The following GDAP1 variants were observed in gnomAD, a reference collection of about 807,000 sequenced individuals.
GDAP1 encodes ganglioside induced differentiation associated protein 1.
GDAP1 carries 34 observed loss-of-function variants against 40.1 expected under a neutral mutation model. That is an observed-to-expected ratio of 0.85 (90% CI 0.64 to 1.13). The LOEUF is 1.13. Among genes scored for constraint, GDAP1 ranks in the 50% most tolerant of loss-of-function variants. The pLI is 0.00. For missense variants in GDAP1, 374 were observed against 433.7 expected, an observed-to-expected ratio of 0.86 and a Z score of 1.22; for synonymous variants, 170 against 157.4, an observed-to-expected ratio of 1.08 and a Z score of -0.60.
At chr8:74,395,792 A>G (rs1309090314) in intron 2 of GDAP1, among the ~76,000 whole-genome samples, 7 of 152,184 alleles carry the variant, frequency 4.6e-5, no homozygotes, top group African/African-American at 1.7e-4. Flanking sequence ...AGTTTATTAG[A>G]ATCCCACGGC....
intron 2 of GDAP1, among the ~76,000 whole-genome samples, chr8:74,455,583 T>C (rs1334361056): frequency 2.0e-5 from 3 of 151,960 alleles, no homozygotes; most frequent in African/African-American, 7.2e-5. Context: ...ATTAACACAA[T>C]GCATTTGAGT....
At chr8:74,484,122 T>C (rs1389122729) in intron 2 of GDAP1, among the ~76,000 whole-genome samples, 2 of 152,194 alleles carry the variant, frequency 1.3e-5, no homozygotes, top group Non-Finnish European at 2.9e-5. Flanking sequence ...AAAATTATTA[T>C]TTGATCTGGA....
intron 2 of GDAP1, among the ~76,000 whole-genome samples, chr8:74,440,498 A>C (rs1806149347): frequency 6.6e-6 from 1 of 151,810 alleles, no homozygotes; most frequent in Non-Finnish European, 1.5e-5. Flanking sequence ...TCATTTTCTA[A>C]GTGTATGTTT....
chr8:74,367,511 T>C (rs1454612846), downstream of GDAP1, among the ~76,000 whole-genome samples: 2 of 151,620 alleles, frequency 1.3e-5, no homozygotes, highest in African/African-American at 4.8e-5. Flanking sequence ...TCTAACTTCG[T>C]AGTCTGCTCA....
At chr8:74,383,287 T>C (rs1809980826) in intron 2 of GDAP1, among the ~76,000 whole-genome samples, 1 of 152,238 alleles carries the variant, frequency 6.6e-6, no homozygotes, top group African/African-American at 2.4e-5. Context: ...TGCAGGTTTC[T>C]GATGGCTTTC....
chr8:74,355,570 G>C (rs1809056404), intron 2 of GDAP1, among the ~76,000 whole-genome samples: 1 of 152,130 alleles, frequency 6.6e-6, no homozygotes, highest in Admixed American at 6.5e-5. Flanking sequence ...AAGCAAACTA[G>C]GTAAACTGAG....
intron 2 of GDAP1, among the ~76,000 whole-genome samples, chr8:74,431,876 G>A (rs73331345): frequency 0.047 from 7,179 of 152,196 alleles, 553 homozygotes; most frequent in African/African-American, 0.16. Context: ...TAGTAAATAC[G>A]TGATTGTGGG....
At chr8:74,362,784 C>CTTTTTTTTTTTTTTTTTTTTTTTTTGT (rs1284434868) in intron 4 of GDAP1, among the ~76,000 whole-genome samples, 155 bp from the exon 5 acceptor site, 1 of 60,452 alleles carries the variant, frequency 1.7e-5, no homozygotes, top group African/African-American at 6.3e-5. Context: ...CTCTCTCTCT[C>CTTTTTTTTTTTTTTTTTTTTTTTTTGT]TTTTTTTTTT....
intron 2 of GDAP1, among the ~76,000 whole-genome samples, chr8:74,376,989 G>T (rs1209964022): frequency 6.6e-6 from 1 of 152,008 alleles, no homozygotes; most frequent in East Asian, 1.9e-4. Context: ...AATGACACTT[G>T]AATAAGTAGA....
chr8:74,380,627 T>C (rs576562758), intron 2 of GDAP1, among the ~76,000 whole-genome samples: 14 of 152,290 alleles, frequency 9.2e-5, no homozygotes, highest in Admixed American at 7.8e-4. Flanking sequence ...TTTAGAATTC[T>C]TTGAAAAATA....
chr8:74,461,350 CT>C (rs1317618414), intron 2 of GDAP1, among the ~76,000 whole-genome samples: 1 of 152,160 alleles, frequency 6.6e-6, no homozygotes. Flanking sequence ...TTTAATGACC[CT>C]GATTTTTGCC....
chr8:74,355,210 A>G (rs1388712737), intron 2 of GDAP1, among the ~76,000 whole-genome samples: 1 of 152,108 alleles, frequency 6.6e-6, no homozygotes, highest in Admixed American at 6.5e-5. Context: ...GAAGAATGGT[A>G]TAGACATGAA....
intron 2 of GDAP1, among the ~76,000 whole-genome samples, chr8:74,439,715 C>T (rs547157858): frequency 8.5e-4 from 129 of 151,536 alleles, no homozygotes; most frequent in African/African-American, 3.1e-3. Flanking sequence ...AAAAATTCTA[C>T]CCATTATGTT....
intron 2 of GDAP1, among the ~76,000 whole-genome samples, chr8:74,446,766 G>A (rs1030370116): frequency 6.6e-6 from 1 of 152,162 alleles, no homozygotes; most frequent in Non-Finnish European, 1.5e-5. Flanking sequence ...ACAACAAGAT[G>A]AAATTTGAGG....
At chr8:74,412,599 T>C (rs1285410252) in intron 2 of GDAP1, among the ~76,000 whole-genome samples, 1 of 150,088 alleles carries the variant, frequency 6.7e-6, no homozygotes, top group Admixed American at 6.6e-5. Flanking sequence ...CGCAAAGTAT[T>C]AAGAGAACAT....
intron 2 of GDAP1, among the ~76,000 whole-genome samples, chr8:74,375,891 C>G (rs533510008): frequency 6.6e-6 from 1 of 152,250 alleles, no homozygotes; most frequent in East Asian, 1.9e-4. Flanking sequence ...TTCTAAAAAA[C>G]ACTTAGAAAT....
chr8:74,415,934 T>G lies in GDAP1; in HGVS notation c.165+64613T>G, dbSNP rs115634978. Among the ~76,000 whole-genome samples, 902 of 149,618 alleles carry G rather than the reference T, an allele frequency of 6.0e-3. 92 individuals are homozygous for G. The highest frequency in any genetic ancestry group is 0.022 in the African/African-American group (843 of 39,110). On this transcript the variant is annotated intron_variant, in intron 2 of 2. Coordinates refer to the GDAP1 transcript ENST00000523640. ...TCAATATAATCTCTAGTGGGGATGA[T>G]CCCCCTTTGCCAGAACCAAGGGGTC...
chr8:74,468,549 A>G (rs1474092379), intron 2 of GDAP1, among the ~76,000 whole-genome samples: 1 of 151,846 alleles, frequency 6.6e-6, no homozygotes, highest in African/African-American at 2.4e-5. Context: ...ATACACACAC[A>G]CATATATAGG....
chr8:74,449,404 A>G (rs1055661281), intron 2 of GDAP1, among the ~76,000 whole-genome samples: 14 of 151,902 alleles, frequency 9.2e-5, no homozygotes, highest in Non-Finnish European at 1.5e-4. Flanking sequence ...CATTGAATTT[A>G]TAGATCAATT....
Sources: gnomAD v4.1 joint callset for allele counts (sites outside exome capture counted in the v4.1 genomes callset) on GRCh38, gnomAD v4.1.1 for gene constraint, MANE v1.5 for transcripts, NCBI Gene and HGNC (gene_info 2026-07-23, HGNC 2026-07-21) for gene names.